ADGRB3: variants seen among roughly 807,000 people sequenced by gnomAD.
ADGRB3 encodes adhesion G protein-coupled receptor B3.
A neutral mutation model predicts 193.4 loss-of-function variants in ADGRB3; 37 were observed. That is an observed-to-expected ratio of 0.19 (90% CI 0.15 to 0.25). The LOEUF is 0.25. Ranked by LOEUF, ADGRB3 falls within the 10% of genes least tolerant of loss-of-function variation. ADGRB3 has a pLI of 1.00. For missense variants in ADGRB3, 1,637 were observed against 1,852.9 expected, an observed-to-expected ratio of 0.88 and a Z score of 2.14; for synonymous variants, 690 against 644.2, an observed-to-expected ratio of 1.07 and a Z score of -1.08.
intron 17 of ADGRB3, among the ~76,000 whole-genome samples, chr6:69,143,616 T>TATA (rs1163204978): frequency 1.3e-5 from 2 of 152,172 alleles, no homozygotes; most frequent in African/African-American, 4.8e-5. Flanking sequence ...CCGGCTTTCT[T>TATA]AGCACCATTT....
At chr6:69,013,125 G>T (rs1429527531) in intron 11 of ADGRB3, among the ~76,000 whole-genome samples, 2 of 152,082 alleles carry the variant, frequency 1.3e-5, no homozygotes, top group African/African-American at 2.4e-5. Context: ...TTCTCTCCTG[G>T]TTCCTGTGTC....
chr6:69,010,766 G>A (rs1173283573), intron 11 of ADGRB3, among the ~76,000 whole-genome samples: 2 of 106,334 alleles, frequency 1.9e-5, no homozygotes, highest in South Asian at 5.9e-4. Context: ...TGGAGATCAA[G>A]GCTGACTAAA....
intron 3 of ADGRB3, among the ~76,000 whole-genome samples, chr6:68,778,683 G>A (rs114749451): frequency 0.025 from 3,766 of 152,088 alleles, 146 homozygotes; most frequent in African/African-American, 0.084. Flanking sequence ...ATTTCTCACT[G>A]AGCCAACCTG....
intron 3 of ADGRB3, among the ~76,000 whole-genome samples, chr6:68,921,616 C>A (rs907156327): frequency 3.3e-5 from 5 of 152,142 alleles, no homozygotes; most frequent in Middle Eastern, 3.4e-3. Context: ...GTAGAAAAAT[C>A]TTTGAAGACA....
At chr6:69,296,108 TTG>T (rs1350816795) in intron 20 of ADGRB3, among the ~76,000 whole-genome samples, 4 of 152,130 alleles carry the variant, frequency 2.6e-5, no homozygotes, top group Non-Finnish European at 5.9e-5. Context: ...AAACAATAAA[TTG>T]TGTTTTACCA....
chr6:68,760,199 A>G lies in ADGRB3; in HGVS notation c.757+120767A>G, dbSNP rs578173007. On this transcript the variant is annotated intron_variant, in intron 3 of 31. Coordinates refer to ENST00000370598, the MANE Select transcript of ADGRB3 (RefSeq NM_001704.3). ...GCAAATGATGGTAGTTCCTTATGCA[A>G]TCAAAGATGGAGGTAAACATTTAGA... Among the ~76,000 whole-genome samples the G allele has an allele frequency of 1.1e-3, 162 of 152,332 alleles. 2 individuals are homozygous for G. The highest frequency in any genetic ancestry group is 0.01 in the Middle Eastern group (3 of 294).
chr6:69,065,178 G>A (rs1462117286), intron 16 of ADGRB3, among the ~76,000 whole-genome samples: 1 of 152,106 alleles, frequency 6.6e-6, no homozygotes, highest in Non-Finnish European at 1.5e-5. Flanking sequence ...ACTCTAGAAA[G>A]CCCATGTTTA....
At chr6:68,768,637 G>T (rs774170673) in intron 3 of ADGRB3, among the ~76,000 whole-genome samples, 2 of 151,892 alleles carry the variant, frequency 1.3e-5, no homozygotes, top group African/African-American at 4.8e-5. Flanking sequence ...ATGGGCAAAG[G>T]CTTCACGACT....
intron 3 of ADGRB3, among the ~76,000 whole-genome samples, chr6:68,659,445 CT>C (rs202098852): frequency 1.2e-4 from 18 of 150,370 alleles, no homozygotes; most frequent in East Asian, 9.8e-4. Flanking sequence ...TTAAAGTTTC[CT>C]TTTTTTCTTA....
At chr6:69,202,051 G>T (rs545944770) in intron 17 of ADGRB3, among the ~76,000 whole-genome samples, 14 of 152,212 alleles carry the variant, frequency 9.2e-5, no homozygotes, top group Middle Eastern at 3.4e-3. Flanking sequence ...CAGCTTGCCT[G>T]CCAGTGTGAT....
At chr6:69,111,174 T>C (rs1342388384) in intron 17 of ADGRB3, among the ~76,000 whole-genome samples, 1 of 152,206 alleles carries the variant, frequency 6.6e-6, no homozygotes, top group Admixed American at 6.5e-5. Context: ...AGATTTTGGA[T>C]ACAAAGCTTG....
intron 3 of ADGRB3, among the ~76,000 whole-genome samples, chr6:68,883,042 C>A (rs551102456): frequency 6.6e-6 from 1 of 151,978 alleles, no homozygotes; most frequent in Non-Finnish European, 1.5e-5. Context: ...TACAGGTGCC[C>A]GCCACAATTA....
At chr6:68,914,610 C>T (rs540145204) in intron 3 of ADGRB3, among the ~76,000 whole-genome samples, 3 of 152,200 alleles carry the variant, frequency 2.0e-5, no homozygotes, top group East Asian at 1.9e-4. Context: ...TAAAGACCAT[C>T]GAGGCTAGGA....
At position 68,993,559 on chromosome 6, in the gene ADGRB3, G is replaced by A. The variant is rs187688146; in HGVS notation, c.1735-209G>A. On this transcript the variant is annotated intron_variant, in intron 10 of 31. Coordinates refer to ENST00000370598, the MANE Select transcript of ADGRB3 (RefSeq NM_001704.3). ...AAATGGCAAGTTTGTCAAGCCTGCC[G>A]AAAAGTATACACTCATTAATTCTTG... Among the ~76,000 whole-genome samples the A allele has an allele frequency of 2.8e-4, 42 of 152,198 alleles. No individual in the cohort carries two copies. In the East Asian group the frequency reaches 7.7e-3, roughly 28 times the overall value.
intron 30 of ADGRB3, among the ~76,000 whole-genome samples, chr6:69,374,595 A>G (rs1006744926): frequency 7.9e-5 from 12 of 152,074 alleles, no homozygotes; most frequent in African/African-American, 2.2e-4. Flanking sequence ...TGGCTAGTTA[A>G]TGTCATACCA....
intron 3 of ADGRB3, among the ~76,000 whole-genome samples, chr6:68,669,067 T>A (rs529480042): frequency 1.3e-5 from 2 of 152,120 alleles, no homozygotes; most frequent in East Asian, 1.9e-4. Flanking sequence ...TTTATTTTTA[T>A]AATTTTTAAA....
chr6:69,350,324 C>G (rs913743217), intron 26 of ADGRB3, among the ~76,000 whole-genome samples: 1 of 149,890 alleles, frequency 6.7e-6, no homozygotes, highest in African/African-American at 2.5e-5. Context: ...TTACAACATG[C>G]CATTAGATTG....
At chr6:68,908,201 G>A (rs1247947411) in intron 3 of ADGRB3, among the ~76,000 whole-genome samples, 1 of 151,876 alleles carries the variant, frequency 6.6e-6, no homozygotes, top group Admixed American at 6.6e-5. Context: ...CTCTCAAAAA[G>A]AAACATCTAT....
At chr6:69,086,883 A>G (rs993082745) in intron 17 of ADGRB3, among the ~76,000 whole-genome samples, 1 of 152,106 alleles carries the variant, frequency 6.6e-6, no homozygotes, top group African/African-American at 2.4e-5. Context: ...GGAGAATGAC[A>G]TAGCATTTTT....
Sources: gnomAD v4.1 joint callset for allele counts (sites outside exome capture counted in the v4.1 genomes callset) on GRCh38, gnomAD v4.1.1 for gene constraint, MANE v1.5 for transcripts, NCBI Gene and HGNC (gene_info 2026-07-23, HGNC 2026-07-21) for gene names.